Variants in PEX14 observed in about 807,000 individuals in gnomAD.
The protein encoded by PEX14 is peroxisomal membrane protein PEX14.
PEX14 carries 15 observed loss-of-function variants against 49.5 expected under a neutral mutation model. The observed-to-expected ratio is 0.30, with a 90% CI of 0.20 to 0.47. PEX14 has a LOEUF of 0.47. Ranked by LOEUF, PEX14 falls within the 20% of genes least tolerant of loss-of-function variation. The pLI, the probability that PEX14 is intolerant of heterozygous loss-of-function variation, is 1.00. For synonymous variants in PEX14, 210 were observed against 212.7 expected, an observed-to-expected ratio of 0.99 and a Z score of 0.11; for missense variants, 398 against 494.8, an observed-to-expected ratio of 0.80 and a Z score of 1.86.
chr1:10,498,222 G>C (rs1311007481), intron 2 of PEX14, among the ~76,000 whole-genome samples: 1 of 152,180 alleles, frequency 6.6e-6, no homozygotes, highest in Non-Finnish European at 1.5e-5. Context: ...TGAGGCTGCA[G>C]TGAGCTATGA....
intron 1 of PEX14, among the ~76,000 whole-genome samples, chr1:10,476,101 C>T (rs149402098): frequency 6.6e-6 from 1 of 152,208 alleles, no homozygotes; most frequent in African/African-American, 2.4e-5. Context: ...CCTTGAAGCA[C>T]CTCTAAGAGT....
intron 3 of PEX14, among the ~76,000 whole-genome samples, chr1:10,592,335 A>G (rs1023943313): frequency 6.6e-6 from 1 of 152,194 alleles, no homozygotes; most frequent in Non-Finnish European, 1.5e-5. Flanking sequence ...TTGTCCTGCT[A>G]TTAATCCTCT....
In PEX14 at chr1:10,628,015, A is replaced by ATCTCGGCTCACTGCG. The variant is rs1265293077; in HGVS notation, c.677+652_677+653insTCTCGGCTCACTGCG. Among the ~76,000 whole-genome samples, 37 of 152,134 alleles carry ATCTCGGCTCACTGCG rather than the reference A, an allele frequency of 2.4e-4. No homozygotes were observed. Among genetic ancestry groups the ATCTCGGCTCACTGCG allele is most frequent in the African/African-American group, 7.5e-4 (31 of 41,456 alleles). On this transcript the variant is annotated intron_variant, in intron 8 of 8. Coordinates refer to ENST00000356607, the MANE Select transcript of PEX14 (RefSeq NM_004565.3). This position sits in a 1 kb window ranked among gnomAD's most constrained non-coding sequence, Gnocchi z 4.5. Reference sequence around the variant, plus strand: ...CAGTGGCACGATCTCGGCTCACTGCAACCTCTGCCTCCCGGGTTCACGCCA... The same window carrying ATCTCGGCTCACTGCG: ...CAGTGGCACGATCTCGGCTCACTGCATCTCGGCTCACTGCGACCTCTGCCTCCCGGGTTCACGCCA...
rs596537 is a variant in PEX14, at chr1:10,494,652, G to T, written c.37-622G>T. 0.64 allele frequency among the ~76,000 whole-genome samples: 97,823 copies of T among 152,092 alleles called. 32,145 individuals carry two copies. Among genetic ancestry groups the T allele is most frequent in the East Asian group, 0.8 (4,154 of 5,164 alleles). On this transcript the variant is annotated intron_variant, in intron 1 of 8. Coordinates refer to ENST00000356607, the MANE Select transcript of PEX14 (RefSeq NM_004565.3). The surrounding 1 kb of genome is among the most constrained non-coding windows in gnomAD (Gnocchi z 4.3). ...CGCCTGGAGGTTGGTCTGCTTATAT[G>T]CCAGCCTGTCACTAGCTTATTTCCA...
chr1:10,609,250 C>G (rs1428712717), intron 4 of PEX14, among the ~76,000 whole-genome samples: 1 of 152,140 alleles, frequency 6.6e-6, no homozygotes, highest in Non-Finnish European at 1.5e-5. Context: ...TGTGGACATA[C>G]GTTTTCATTC....
intron 3 of PEX14, among the ~76,000 whole-genome samples, chr1:10,543,050 GA>G (rs991529185): frequency 7.9e-5 from 12 of 152,192 alleles, no homozygotes; most frequent in Admixed American, 1.3e-4. Flanking sequence ...TTAATAAGAG[GA>G]AAAAGAGTAA....
At chr1:10,610,064 A>C (rs939854401) in intron 4 of PEX14, among the ~76,000 whole-genome samples, 1 of 148,174 alleles carries the variant, frequency 6.7e-6, no homozygotes, top group African/African-American at 2.5e-5. Context: ...ATATAATTTT[A>C]TTCATATATA....
chr1:10,629,390 G>T lies in PEX14; in HGVS notation c.678-141G>T. 1 of 696,158 alleles carries T rather than the reference G, an allele frequency of 1.4e-6. No homozygotes were observed. Among genetic ancestry groups the T allele is most frequent in the Non-Finnish European group, 2.6e-6 (1 of 386,628 alleles). 43.1% of individuals were successfully genotyped at this position (696,158 alleles called of 1,614,324 possible). Reference sequence around the variant, plus strand: ...TGCTCCTGAAAGGAGGGGTGGAAGGGCTCCATCCTGTCCCTTGCCCAGTGT... The same window carrying T: ...TGCTCCTGAAAGGAGGGGTGGAAGGTCTCCATCCTGTCCCTTGCCCAGTGT... On this transcript the variant is annotated intron_variant, in intron 8 of 8. Coordinates refer to ENST00000356607, the MANE Select transcript of PEX14 (RefSeq NM_004565.3). This position sits in a 1 kb window ranked among gnomAD's most constrained non-coding sequence, Gnocchi z 8.5.
chr1:10,561,158 C>T (rs923479801), intron 3 of PEX14, among the ~76,000 whole-genome samples: 9 of 152,180 alleles, frequency 5.9e-5, no homozygotes, highest in Non-Finnish European at 8.8e-5. Flanking sequence ...TCCTCAGATA[C>T]GGCCATTCTT....
intron 3 of PEX14, among the ~76,000 whole-genome samples, chr1:10,563,916 A>AG (rs1419962683): frequency 2.0e-5 from 1 of 50,842 alleles, no homozygotes; most frequent in Non-Finnish European, 5.9e-5. Context: ...GTCTCAAAAA[A>AG]GAAAAAAAAA....
In PEX14 at chr1:10,565,535, A is replaced by G. The variant is rs1639777868; in HGVS notation, c.169+29238A>G. On this transcript the variant is annotated intron_variant, in intron 3 of 8. Coordinates refer to ENST00000356607, the MANE Select transcript of PEX14 (RefSeq NM_004565.3). ...GCTATTTCATCTCAGTTAGACGCAG[A>G]AAGCCTCTCAATGCTGTTTTGATTT... Among the ~76,000 whole-genome samples the G allele has an allele frequency of 2.0e-5, 3 of 152,256 alleles. No homozygotes were observed. The South Asian group carries it at 6.2e-4, about 32-fold the overall frequency.
At chr1:10,521,661 C>G (rs1464952810) in intron 2 of PEX14, among the ~76,000 whole-genome samples, 2 of 152,164 alleles carry the variant, frequency 1.3e-5, no homozygotes, top group Non-Finnish European at 2.9e-5. Context: ...AGAATTAAAC[C>G]TGGCTCATCT....
Position 10,495,749 on chromosome 1 carries a change from G to T in PEX14, c.84+428G>T, listed in dbSNP as rs1641549190. The stretch of plus-strand genomic sequence containing the variant: ...AAGCGATGGAATTCTGGTTTTGCCT[G>T]GTCAGTAATTGTGTGATTGTCATTC... On this transcript the variant is annotated intron_variant, in intron 2 of 8. Coordinates refer to ENST00000356607, the MANE Select transcript of PEX14 (RefSeq NM_004565.3). The surrounding 1 kb of genome is among the most constrained non-coding windows in gnomAD (Gnocchi z 4.2). Among the ~76,000 whole-genome samples, 1 of 152,166 alleles carries T rather than the reference G, an allele frequency of 6.6e-6. No individual in the cohort carries two copies. The highest frequency in any genetic ancestry group is 2.4e-5 in the African/African-American group (1 of 41,438).
At chr1:10,520,149 T>TTTTTTTTTTTTTTTTG (rs1570196262) in intron 2 of PEX14, among the ~76,000 whole-genome samples, 3 of 21,982 alleles carry the variant, frequency 1.4e-4, no homozygotes, top group Non-Finnish European at 4.2e-4. Context: ...CTTCTTCTTC[T>TTTTTTTTTTTTTTTTG]TTTTTTTTTT....
At chr1:10,477,051 C>A (rs1444344282) in intron 1 of PEX14, among the ~76,000 whole-genome samples, 2 of 151,748 alleles carry the variant, frequency 1.3e-5, no homozygotes, top group Non-Finnish European at 1.5e-5. Flanking sequence ...ATGCTGGCAG[C>A]CTGGGGGAAA....
At position 10,615,125 on chromosome 1, in the gene PEX14, G is replaced by T. The variant is rs561601151; in HGVS notation, c.299-3207G>T. On this transcript the variant is annotated intron_variant, in intron 4 of 8. Coordinates refer to ENST00000356607, the MANE Select transcript of PEX14 (RefSeq NM_004565.3). ...ACACCGAGTGTCACTGCACAGCCTG[G>T]GAAGGGAGTGGGGGAAGTCCTTGCT... Among the ~76,000 whole-genome samples, 3 of 152,244 alleles carry T rather than the reference G, an allele frequency of 2.0e-5. No individual in the cohort carries two copies. In the South Asian group the frequency reaches 6.2e-4, roughly 32 times the overall value.
At chr1:10,475,251 G>A (rs1441476670) in intron 1 of PEX14, among the ~76,000 whole-genome samples, 1 of 144,070 alleles carries the variant, frequency 6.9e-6, no homozygotes, top group Non-Finnish European at 1.5e-5. Context: ...CCCACTTCCC[G>A]CCTGCCAGCA....
chr1:10,539,665 G>A lies in PEX14; in HGVS notation c.169+3368G>A, dbSNP rs956595386. Among the ~76,000 whole-genome samples, 6 of 152,168 alleles carry A rather than the reference G, an allele frequency of 3.9e-5. No homozygotes were observed. In the East Asian group the frequency reaches 1.2e-3, roughly 29 times the overall value. On this transcript the variant is annotated intron_variant, in intron 3 of 8. Transcript: ENST00000356607. This position sits in a 1 kb window ranked among gnomAD's most constrained non-coding sequence, Gnocchi z 4.6. ...GGGCTTTAAGCAGGCTGCAATCCAG[G>A]AGGTTAGAGTAACGTAAAAACAGCA...
chr1:10,557,886 T>C (rs1368364536), intron 3 of PEX14, among the ~76,000 whole-genome samples: 1 of 152,040 alleles, frequency 6.6e-6, no homozygotes, highest in Non-Finnish European at 1.5e-5. Context: ...TTTGTGTTGT[T>C]GCTAGTTGCG....
Sources: allele counts gnomAD v4.1 joint callset (sites outside exome capture counted in the v4.1 genomes callset), GRCh38; gene constraint gnomAD v4.1.1; non-coding constraint Gnocchi (gnomAD v3.1); transcripts MANE v1.5; gene names NCBI Gene and HGNC (gene_info 2026-07-23, HGNC 2026-07-21).